The following HPSE2 variants were observed in gnomAD, a reference collection of about 807,000 sequenced individuals.
The protein encoded by HPSE2 is heparanase 2 (inactive).
Under a neutral mutation model 60.5 loss-of-function variants are expected in HPSE2, and 38 were observed. The ratio of observed to expected loss-of-function variants is 0.63; its 90% CI spans 0.48 to 0.82. The LOEUF is 0.82. Ranked by LOEUF, HPSE2 falls within the 40% of genes least tolerant of loss-of-function variation. The pLI, the probability that HPSE2 is intolerant of heterozygous loss-of-function variation, is 0.00. For synonymous variants in HPSE2, 295 were observed against 293.2 expected, an observed-to-expected ratio of 1.01 and a Z score of -0.06; for missense variants, 713 against 740.4, an observed-to-expected ratio of 0.96 and a Z score of 0.43.
At chr10:98,562,102 T>G (rs1944204141) in intron 9 of HPSE2, among the ~76,000 whole-genome samples, 1 of 152,090 alleles carries the variant, frequency 6.6e-6, no homozygotes, top group Non-Finnish European at 1.5e-5. Context: ...GTACCTTTTC[T>G]ATGTTTTGAT....
rs189772442 is a variant in HPSE2, at chr10:98,915,049, G to A, written c.611-170993C>T. Among the ~76,000 whole-genome samples, 16 of 150,488 alleles carry A rather than the reference G, an allele frequency of 1.1e-4. No homozygotes were observed. The East Asian group carries it at 3.1e-3, about 29-fold the overall frequency. On this transcript the variant is annotated intron_variant, in intron 3 of 11. Transcript: ENST00000370552. The stretch of plus-strand genomic sequence containing the variant: ...AAGGAAATATGCCAAATCATTGACT[G>A]CTTTTGTCTTTGATGATATAATTAT...
At chr10:99,300,386 C>T in the HPSE2 span, among the ~76,000 whole-genome samples, 1 of 152,178 alleles carries the variant, frequency 6.6e-6, no homozygotes, top group East Asian at 1.9e-4. Context: ...GGCAAAAATA[C>T]TGAGTTCTTA....
chr10:98,941,940 T>A (rs1479804718), intron 3 of HPSE2, among the ~76,000 whole-genome samples: 1 of 142,530 alleles, frequency 7.0e-6, no homozygotes, highest in Non-Finnish European at 1.5e-5. Context: ...TCTACAGCTA[T>A]CTGATCTTTG....
Position 99,235,783 on chromosome 10 carries a change from A to G in HPSE2, c.20T>C (p.Phe7Ser). 6.2e-7 allele frequency: 1 copy of G among 1,613,392 alleles called. No homozygotes were observed. Among genetic ancestry groups the G allele is most frequent in the Non-Finnish European group, 8.5e-7 (1 of 1,179,868 alleles). Residue 7 changes from phenylalanine (F) to serine (S), a missense_variant, in exon 1 of 12, where the codon TTC becomes TCC. Transcript: ENST00000370552. MRVLCA[F>S]PEAMPSSNSR... ...GTTGCTGGAGGGCATGGCTTCAGGG[A>G]AGGCACAAAGCACCCTCATTCAATC...
At chr10:99,053,361 AAAAC>A (rs145656132) in intron 3 of HPSE2, among the ~76,000 whole-genome samples, 18,885 of 152,078 alleles carry the variant, frequency 0.12, 1,452 homozygotes, top group Admixed American at 0.2. Context: ...CAACCACTAA[AAAAC>A]AGTACAAAAA....
intron 3 of HPSE2, among the ~76,000 whole-genome samples, chr10:98,806,503 A>G (rs1219332990): frequency 2.6e-5 from 4 of 152,204 alleles, no homozygotes; most frequent in African/African-American, 9.6e-5. Context: ...CTTACTTCCT[A>G]TGAGACCATG....
At chr10:98,674,581 G>A (rs1016550567) in intron 6 of HPSE2, among the ~76,000 whole-genome samples, 2 of 152,190 alleles carry the variant, frequency 1.3e-5, no homozygotes, top group Non-Finnish European at 2.9e-5. Context: ...AATAATAAAT[G>A]TTTTCATCTC....
At chr10:98,639,054 G>T (rs895710361) in intron 7 of HPSE2, among the ~76,000 whole-genome samples, 2 of 152,170 alleles carry the variant, frequency 1.3e-5, no homozygotes, top group African/African-American at 4.8e-5. Context: ...CCTGAAGCTT[G>T]GTGGGTCTTG....
At chr10:98,828,925 A>C (rs1362722088) in intron 3 of HPSE2, among the ~76,000 whole-genome samples, 2 of 152,208 alleles carry the variant, frequency 1.3e-5, no homozygotes, top group South Asian at 4.1e-4. Context: ...AGCATTATTC[A>C]TAATAGCTAA....
chr10:99,248,689 C>T, the HPSE2 span, among the ~76,000 whole-genome samples: 1 of 152,168 alleles, frequency 6.6e-6, no homozygotes, highest in Non-Finnish European at 1.5e-5. Context: ...GGGAAAATGC[C>T]TCAAAGGCAT....
chr10:99,013,188 T>C (rs1157708442), intron 3 of HPSE2: 1 of 670,424 alleles, frequency 1.5e-6, no homozygotes. Context: ...GATATGCCAC[T>C]GGTGATCTTT....
intron 3 of HPSE2, among the ~76,000 whole-genome samples, chr10:99,120,808 C>G (rs1844922157): frequency 6.6e-6 from 1 of 152,150 alleles, no homozygotes; most frequent in Non-Finnish European, 1.5e-5. Flanking sequence ...CAAAACATAA[C>G]AGATGCTGGC....
At chr10:99,044,380 C>T (rs2135482846) in intron 3 of HPSE2, among the ~76,000 whole-genome samples, 1 of 152,290 alleles carries the variant, frequency 6.6e-6, no homozygotes. Flanking sequence ...ATCAAAATAA[C>T]AACACCTGCT....
intron 6 of HPSE2, among the ~76,000 whole-genome samples, chr10:98,673,406 A>T (rs497340): frequency 0.35 from 53,613 of 151,990 alleles, 9,682 homozygotes; most frequent in Admixed American, 0.41. Flanking sequence ...CATACGCCAG[A>T]TTGTTCATCT....
intron 3 of HPSE2, among the ~76,000 whole-genome samples, chr10:99,099,178 C>A (rs932776219): frequency 3.3e-5 from 5 of 152,176 alleles, no homozygotes; most frequent in Admixed American, 6.5e-5. Context: ...CGAGTGTGAG[C>A]TGAAGCAGCG....
intron 3 of HPSE2, among the ~76,000 whole-genome samples, chr10:98,802,155 C>T (rs562351451): frequency 6.6e-6 from 1 of 152,058 alleles, no homozygotes; most frequent in East Asian, 1.9e-4. Context: ...AACTAGATTC[C>T]TATCTCTCAC....
At chr10:99,046,940 T>C (rs549307779) in intron 3 of HPSE2, among the ~76,000 whole-genome samples, 1 of 152,296 alleles carries the variant, frequency 6.6e-6, no homozygotes, top group South Asian at 2.1e-4. Flanking sequence ...ACCAGCATCA[T>C]TCTTCACAAA....
At chr10:98,602,165 T>C (rs2447306) in intron 9 of HPSE2, among the ~76,000 whole-genome samples, 29,183 of 152,058 alleles carry the variant, frequency 0.19, 3,110 homozygotes, top group African/African-American at 0.3. Flanking sequence ...ACTAATTATT[T>C]GGAAGCAAAC....
At chr10:98,481,317 C>A (rs1234164292) in intron 11 of HPSE2, among the ~76,000 whole-genome samples, 1 of 152,114 alleles carries the variant, frequency 6.6e-6, no homozygotes, top group Non-Finnish European at 1.5e-5. Flanking sequence ...CCCTTGAAAT[C>A]TGAAGATTAG....
Sources: gnomAD v4.1 joint callset for allele counts (sites outside exome capture counted in the v4.1 genomes callset) on GRCh38, gnomAD v4.1.1 for gene constraint, MANE v1.5 for transcripts, NCBI Gene and HGNC (gene_info 2026-07-23, HGNC 2026-07-21) for gene names.